The following VRK1 variants were observed in gnomAD, a reference collection of about 807,000 sequenced individuals.
The protein encoded by VRK1 is serine/threonine-protein kinase VRK1.
VRK1 carries 33 observed loss-of-function variants against 57.1 expected under a neutral mutation model. The ratio of observed to expected loss-of-function variants is 0.58; its 90% CI spans 0.44 to 0.77. The LOEUF is 0.77. Ranked by LOEUF, VRK1 falls within the 30% of genes least tolerant of loss-of-function variation. The probability of loss-of-function intolerance (pLI) is 0.00; values close to 1 mark genes in which losing one functional copy is unlikely to be tolerated. For missense variants in VRK1, 413 were observed against 477.3 expected (o/e 0.87, Z 1.25); for synonymous variants, 137 against 147.8 (o/e 0.93, Z 0.53).
At chr14:96,842,856 C>T (rs1169761862) in intron 3 of VRK1, among the ~76,000 whole-genome samples, 2 of 152,208 alleles carry the variant, frequency 1.3e-5, no homozygotes, top group African/African-American at 2.4e-5. Flanking sequence ...GTGGCTGGCA[C>T]ATTTTTATCC....
intron 5 of VRK1, among the ~76,000 whole-genome samples, chr14:96,847,830 T>C (rs1021014772): frequency 2.0e-5 from 3 of 152,318 alleles, no homozygotes; most frequent in Non-Finnish European, 4.4e-5. Context: ...AAAACAAAAA[T>C]GTTTGAAACA....
intron 5 of VRK1, among the ~76,000 whole-genome samples, chr14:96,848,897 T>C (rs1887824980): frequency 1.3e-5 from 2 of 152,180 alleles, no homozygotes; most frequent in African/African-American, 4.8e-5. Flanking sequence ...TAAAACCTAC[T>C]GGTTTAGAAA....
chr14:96,881,227 G>C lies in VRK1; in HGVS notation c.*19G>C, dbSNP rs1481577635. ...GAAGTAATTCAGATGCTGTGAACCAGATTTCCTTTTCTTTGTTTTCTTTTG... is the reference window on the plus strand; with the variant it reads ...GAAGTAATTCAGATGCTGTGAACCACATTTCCTTTTCTTTGTTTTCTTTTG... On this transcript the variant is annotated 3_prime_UTR_variant, in exon 13 of 13. Transcript: ENST00000216639. 6.3e-7 allele frequency: 1 copy of C among 1,595,166 alleles called. No individual in the cohort carries two copies. The highest frequency in any genetic ancestry group is 1.7e-5 in the Admixed American group (1 of 58,238).
intron 1 of VRK1, among the ~76,000 whole-genome samples, chr14:96,804,859 T>C (rs1381035914): frequency 1.3e-5 from 2 of 152,206 alleles, no homozygotes; most frequent in Admixed American, 1.3e-4. Context: ...AGTGGTAGAT[T>C]TCAAACTTTT....
chr14:96,839,362 A>C (rs1322407090), intron 3 of VRK1, among the ~76,000 whole-genome samples: 2 of 138,202 alleles, frequency 1.4e-5, no homozygotes, highest in Non-Finnish European at 3.3e-5. Flanking sequence ...TTCTTGGATA[A>C]ATACTTTGAG....
intron 1 of VRK1, among the ~76,000 whole-genome samples, chr14:96,832,234 G>T (rs1473835161): frequency 6.6e-6 from 1 of 152,112 alleles, no homozygotes; most frequent in East Asian, 1.9e-4. Context: ...GTGTATGTAT[G>T]TAGCATGTCT....
chr14:96,873,425 G>T (rs962794730), intron 11 of VRK1, among the ~76,000 whole-genome samples: 14 of 152,122 alleles, frequency 9.2e-5, no homozygotes, highest in African/African-American at 3.4e-4. Flanking sequence ...ATATGCTGGT[G>T]CCCTTTGAAA....
At chr14:96,824,588 G>A (rs1886727636) in intron 1 of VRK1, among the ~76,000 whole-genome samples, 1 of 152,108 alleles carries the variant, frequency 6.6e-6, no homozygotes, top group African/African-American at 2.4e-5. Context: ...TATTGAAATG[G>A]CAAGTACAGA....
chr14:96,866,312 A>G (rs558468897), intron 11 of VRK1, among the ~76,000 whole-genome samples: 1 of 152,292 alleles, frequency 6.6e-6, no homozygotes, highest in South Asian at 2.1e-4. Flanking sequence ...GATGAGCCAT[A>G]GGCCAAATTA....
At position 96,814,795 on chromosome 14, in the gene VRK1, C is replaced by T. The variant is rs541612885; in HGVS notation, c.-6+17348C>T. ...TTTTTCACTTAATGATATATCTTGG[C>T]GAATATTCCATGCCAATGTATGTAG... is the stretch of plus-strand genomic sequence containing the variant. On this transcript the variant is annotated intron_variant, in intron 1 of 12. Transcript: ENST00000216639. Among the ~76,000 whole-genome samples the T allele has an allele frequency of 5.9e-5, 9 of 152,200 alleles. No homozygotes were observed. The South Asian group carries it at 1.5e-3, about 25-fold the overall frequency.
intron 1 of VRK1, among the ~76,000 whole-genome samples, chr14:96,817,071 GAAAC>G (rs1469977410): frequency 3.3e-5 from 5 of 152,192 alleles, no homozygotes; most frequent in Non-Finnish European, 5.9e-5. Context: ...GGGGTTAGTA[GAAAC>G]AAACAAATTG....
chr14:96,871,244 G>A (rs1350407351), intron 11 of VRK1, among the ~76,000 whole-genome samples: 3 of 152,142 alleles, frequency 2.0e-5, no homozygotes. Context: ...TGCTAACCTT[G>A]TTCCTTCAGA....
At chr14:96,866,583 C>T (rs1030385401) in intron 11 of VRK1, among the ~76,000 whole-genome samples, 1 of 152,076 alleles carries the variant, frequency 6.6e-6, no homozygotes, top group Non-Finnish European at 1.5e-5. Context: ...TTCTTCCCAG[C>T]CAGGGAAGAA....
At chr14:96,812,504 A>G (rs969006711) in intron 1 of VRK1, among the ~76,000 whole-genome samples, 1 of 152,132 alleles carries the variant, frequency 6.6e-6, no homozygotes, top group African/African-American at 2.4e-5. Flanking sequence ...AACTAATGAT[A>G]CTGAGCATCT....
intron 1 of VRK1, among the ~76,000 whole-genome samples, chr14:96,831,442 C>T (rs926699850): frequency 8.5e-5 from 13 of 152,142 alleles, no homozygotes; most frequent in African/African-American, 2.4e-4. Context: ...ATACTGACAG[C>T]GATGACGCTG....
chr14:96,843,792 G>A (rs568082549), intron 3 of VRK1, among the ~76,000 whole-genome samples: 2 of 152,322 alleles, frequency 1.3e-5, no homozygotes, highest in East Asian at 3.9e-4. Flanking sequence ...TTTGGCTAGA[G>A]TGCAATGCCA....
At chr14:96,804,151 A>T (rs1885778746) in intron 1 of VRK1, among the ~76,000 whole-genome samples, 1 of 152,196 alleles carries the variant, frequency 6.6e-6, no homozygotes, top group Non-Finnish European at 1.5e-5. Context: ...TATGTCTTAC[A>T]TTTAGATCCG....
intron 4 of VRK1, 116 bp from the exon 5 acceptor site, chr14:96,847,141 T>C (rs1887733683): frequency 1.3e-6 from 1 of 748,606 alleles, no homozygotes; most frequent in African/African-American, 1.8e-5. Flanking sequence ...TTCTTTTTTA[T>C]GAATACAGGT....
rs1206982935 is a variant in VRK1 at position 96,881,345 on chromosome 14, A to G, written c.*137A>G. 2 of 748,742 alleles carry G rather than the reference A, an allele frequency of 2.7e-6. No homozygotes were observed. Among genetic ancestry groups the G allele is most frequent in the African/African-American group, 3.6e-5 (2 of 56,058 alleles). The allele number at this position is 748,742 out of a possible 1,614,324, so 46.4% of individuals were successfully genotyped here. On this transcript the variant is annotated 3_prime_UTR_variant, in exon 13 of 13. Coordinates refer to ENST00000216639, the MANE Select transcript of VRK1 (RefSeq NM_003384.3). ...TTAAATACTCATGTGTTCAGAAAAC[A>G]TAAACTTTTTTTATAAAAATATTTT...
Sources: gnomAD v4.1 joint callset for allele counts (sites outside exome capture counted in the v4.1 genomes callset) on GRCh38, gnomAD v4.1.1 for gene constraint, MANE v1.5 for transcripts, NCBI Gene and HGNC (gene_info 2026-07-23, HGNC 2026-07-21) for gene names.